Variants in SHISA6 observed in about 807,000 individuals in gnomAD.
SHISA6 encodes shisa family member 6, also known as protein shisa-6.
A neutral mutation model predicts 47.9 loss-of-function variants in SHISA6; 22 were observed. The observed-to-expected ratio is 0.46, with a 90% CI of 0.33 to 0.66. SHISA6 has a LOEUF of 0.66. Among genes scored for constraint, SHISA6 ranks in the 30% least tolerant of loss-of-function variants. The pLI, the probability that SHISA6 is intolerant of heterozygous loss-of-function variation, is 0.02. For missense variants in SHISA6, 680 were observed against 764.6 expected, an observed-to-expected ratio of 0.89 and a Z score of 1.30; for synonymous variants, 388 against 337.8, an observed-to-expected ratio of 1.15 and a Z score of -1.63.
At chr17:11,266,904 A>G (rs1156307934) in intron 2 of SHISA6, among the ~76,000 whole-genome samples, 1 of 152,216 alleles carries the variant, frequency 6.6e-6, no homozygotes, top group East Asian at 1.9e-4. Flanking sequence ...GGACATTGAA[A>G]GCACATGCTT....
intron 3 of SHISA6, among the ~76,000 whole-genome samples, chr17:11,416,423 T>A (rs1345873798): frequency 6.6e-6 from 1 of 152,204 alleles, no homozygotes; most frequent in Non-Finnish European, 1.5e-5. Flanking sequence ...ACTGCAGAAC[T>A]ATTCAGTGGC....
chr17:11,554,755 GCAC>G (rs1318422079), intron 4 of SHISA6, among the ~76,000 whole-genome samples: 1 of 152,012 alleles, frequency 6.6e-6, no homozygotes, highest in Admixed American at 6.6e-5. Flanking sequence ...AGTCTGTGAA[GCAC>G]TGAGGCATGC....
At chr17:11,303,150 A>T (rs1000314732) in intron 2 of SHISA6, among the ~76,000 whole-genome samples, 1 of 151,446 alleles carries the variant, frequency 6.6e-6, no homozygotes, top group Non-Finnish European at 1.5e-5. Context: ...TCAGTGTGTG[A>T]TTTTGTGTGT....
intron 2 of SHISA6, among the ~76,000 whole-genome samples, chr17:11,267,171 C>T (rs1908456307): frequency 6.6e-6 from 1 of 152,156 alleles, no homozygotes; most frequent in South Asian, 2.1e-4. Flanking sequence ...AAGATTGCCC[C>T]ATAAGGAACA....
intron 1 of SHISA6, among the ~76,000 whole-genome samples, chr17:11,258,833 G>A (rs536583409): frequency 6.6e-6 from 1 of 152,338 alleles, no homozygotes; most frequent in Admixed American, 6.5e-5. Context: ...CTTAGGTCTG[G>A]GTAGGTCTTT....
At chr17:11,245,736 A>G (rs1907551239) in intron 1 of SHISA6, among the ~76,000 whole-genome samples, 1 of 33,892 alleles carries the variant, frequency 3.0e-5, no homozygotes, top group South Asian at 2.7e-3. Flanking sequence ...GGGATCAAAG[A>G]ATGTGGGCAG....
intron 3 of SHISA6, among the ~76,000 whole-genome samples, chr17:11,526,265 T>C (rs904890716): frequency 3.3e-5 from 5 of 152,162 alleles, no homozygotes; most frequent in Non-Finnish European, 7.4e-5. Context: ...GAGCTGGAGA[T>C]TGCATTCCTG....
rs1344657556 is a variant in SHISA6, at chr17:11,340,704, G to C, written c.800-38710G>C. 5.9e-5 allele frequency among the ~76,000 whole-genome samples: 9 copies of C among 152,182 alleles called. 1 individual carries two copies. The South Asian group carries it at 1.9e-3, about 32-fold the overall frequency. ...CAGCTATATTCACAGCTCAGAGTCT[G>C]CTGCATCACCTCCACTCCAAAGAGA... On this transcript the variant is annotated intron_variant, in intron 2 of 5. Coordinates refer to ENST00000441885, the MANE Select transcript of SHISA6 (RefSeq NM_207386.4).
At chr17:11,474,405 G>GTTTTTTTTTTTTTTTTTTTT (rs55978546) in intron 3 of SHISA6, among the ~76,000 whole-genome samples, 1 of 141,438 alleles carries the variant, frequency 7.1e-6, no homozygotes, top group Non-Finnish European at 1.5e-5. Flanking sequence ...CTTTTTGATG[G>GTTTTTTTTTTTTTTTTTTTT]TTTTTTTTTT....
chr17:11,415,796 C>G (rs1352087067), intron 3 of SHISA6, among the ~76,000 whole-genome samples: 1 of 152,010 alleles, frequency 6.6e-6, no homozygotes, highest in African/African-American at 2.4e-5. Flanking sequence ...TAGTGTTTTC[C>G]AAACTGTATT....
chr17:11,535,125 T>C (rs958740174), intron 3 of SHISA6, among the ~76,000 whole-genome samples: 2 of 151,754 alleles, frequency 1.3e-5, no homozygotes, highest in Non-Finnish European at 2.9e-5. Context: ...AAAGCGAGAC[T>C]CCATCTCAAA....
chr17:11,258,492 T>C (rs1908099208), intron 1 of SHISA6, among the ~76,000 whole-genome samples: 1 of 152,210 alleles, frequency 6.6e-6, no homozygotes, highest in Non-Finnish European at 1.5e-5. Flanking sequence ...TGACCATCTG[T>C]TCAGCGAATG....
At chr17:11,462,105 A>G (rs1915706961) in intron 3 of SHISA6, among the ~76,000 whole-genome samples, 3 of 152,146 alleles carry the variant, frequency 2.0e-5, no homozygotes, top group Admixed American at 2.0e-4. Context: ...ATAATGAGAG[A>G]AAACAAGTTA....
chr17:11,297,791 G>A (rs1171798477), intron 2 of SHISA6, among the ~76,000 whole-genome samples: 2 of 152,188 alleles, frequency 1.3e-5, no homozygotes, highest in East Asian at 3.9e-4. Context: ...GGTCAAATAG[G>A]AATGGAATCC....
intron 3 of SHISA6, among the ~76,000 whole-genome samples, chr17:11,458,561 G>A (rs551546189): frequency 2.2e-4 from 33 of 152,152 alleles, no homozygotes; most frequent in Non-Finnish European, 4.1e-4. Context: ...TCTCCTGGAG[G>A]AGACCAAACT....
chr17:11,378,065 C>G (rs983460263), intron 2 of SHISA6, among the ~76,000 whole-genome samples: 2 of 152,230 alleles, frequency 1.3e-5, no homozygotes, highest in Non-Finnish European at 2.9e-5. Context: ...TCCCCCAACT[C>G]TGATTCCAGC....
Position 11,556,812 on chromosome 17 carries a change from T to C in SHISA6, c.1105+920T>C, listed in dbSNP as rs139089739. 3.9e-5 allele frequency among the ~76,000 whole-genome samples: 6 copies of C among 152,248 alleles called. No individual in the cohort carries two copies. The East Asian group carries it at 9.7e-4, about 25-fold the overall frequency. On this transcript the variant is annotated intron_variant, in intron 5 of 5. Coordinates refer to ENST00000441885, the MANE Select transcript of SHISA6 (RefSeq NM_207386.4). ...AAGAGCAGACAGAATTCCCACACTT[T>C]TGCAGAGATCTAGAAGGCCATGTGT... is the stretch of plus-strand genomic sequence containing the variant.
At chr17:11,451,751 C>A (rs979864346) in intron 3 of SHISA6, among the ~76,000 whole-genome samples, 1 of 152,154 alleles carries the variant, frequency 6.6e-6, no homozygotes, top group Non-Finnish European at 1.5e-5. Flanking sequence ...GGGTGAGGCA[C>A]AATATAAGAA....
intron 3 of SHISA6, among the ~76,000 whole-genome samples, chr17:11,454,728 C>T (rs1915490325): frequency 6.6e-6 from 1 of 152,186 alleles, no homozygotes; most frequent in Non-Finnish European, 1.5e-5. Flanking sequence ...TGGCGCTTAT[C>T]CAAATGGGTT....
Sources: gnomAD v4.1 joint callset for allele counts (sites outside exome capture counted in the v4.1 genomes callset) on GRCh38, gnomAD v4.1.1 for gene constraint, MANE v1.5 for transcripts, NCBI Gene and HGNC (gene_info 2026-07-23, HGNC 2026-07-21) for gene names.